Variants in TRIM66 observed in about 807,000 individuals in gnomAD.
TRIM66 encodes the protein tripartite motif containing 66.
TRIM66 carries 99 observed loss-of-function variants against 148.2 expected under a neutral mutation model. The ratio of observed to expected loss-of-function variants is 0.67; its 90% CI spans 0.57 to 0.79. The LOEUF is 0.79. TRIM66 is among the 30% of genes least tolerant of loss of function. TRIM66 has a pLI of 0.00. For missense variants in TRIM66, 1,666 were observed against 1,697.9 expected, an observed-to-expected ratio of 0.98 and a Z score of 0.33; for synonymous variants, 616 against 635.9, an observed-to-expected ratio of 0.97 and a Z score of 0.47.
At chr11:8,626,632 C>T (rs949866525) in intron 15 of TRIM66, among the ~76,000 whole-genome samples, 10 of 152,242 alleles carry the variant, frequency 6.6e-5, no homozygotes, top group Non-Finnish European at 2.9e-5. Context: ...CCTACTTTCA[C>T]ATCTCCCTAG....
At chr11:8,630,570 T>A (rs2035295107) in intron 15 of TRIM66, among the ~76,000 whole-genome samples, 1 of 152,202 alleles carries the variant, frequency 6.6e-6, no homozygotes, top group African/African-American at 2.4e-5. Context: ...TTCACTCTGA[T>A]AATCAGCTCA....
intron 14 of TRIM66, 70 bp downstream of exon 14, chr11:8,640,156 TG>T (rs2036236517): frequency 7.0e-7 from 1 of 1,426,304 alleles, no homozygotes; most frequent in African/African-American, 1.4e-5. Context: ...GCCTTGTTTT[TG>T]GGGAGGCTGT....
Position 8,620,092 on chromosome 11 carries a change from G to A in TRIM66, c.3705C>T (p.Cys1235=), listed in dbSNP as rs2034062364. 6.4e-7 allele frequency: 1 copy of A among 1,551,736 alleles called. No homozygotes were observed. Among genetic ancestry groups the A allele is most frequent in the Non-Finnish European group, 8.7e-7 (1 of 1,146,994 alleles). ...CATGGAAGGGCAGGCTGAGGTTATT[G>A]CAGCACAAGGACAATACCAGCTTCT... ...KCEKLVLSLC[C]NNLSLPFHEP... The change falls in exon 22 of 25, where the codon TGC becomes TGT. Residue 1235 remains cysteine (C), a synonymous_variant. Coordinates refer to ENST00000646038, the MANE Select transcript of TRIM66 (RefSeq NM_001388022.1).
At chr11:8,622,922 A>G in intron 17 of TRIM66, 46 bp from the exon 18 acceptor site, 1 of 1,502,742 alleles carries the variant, frequency 6.7e-7, no homozygotes, top group Non-Finnish European at 9.1e-7. Context: ...ATTTGTGGCA[A>G]CAAACCCCGT....
chr11:8,663,997 G>T (rs1421963163), intron 6 of TRIM66, among the ~76,000 whole-genome samples: 4 of 152,158 alleles, frequency 2.6e-5, no homozygotes, highest in African/African-American at 9.7e-5. Flanking sequence ...GGGTAGTTAG[G>T]GAGATGTTGG....
chr11:8,678,615 C>G lies in TRIM66; in HGVS notation c.-190+1005G>C, dbSNP rs541485465. Among the ~76,000 whole-genome samples, 5 of 152,256 alleles carry G rather than the reference C, an allele frequency of 3.3e-5. No homozygotes were observed. The South Asian group carries it at 1.0e-3, about 32-fold the overall frequency. ...GTCTTTCTGAAGTAAATTGGGATTT[C>G]TGAGCTTTTCTCTAATTCTCACTTG... On this transcript the variant is annotated intron_variant, in intron 3 of 24. Transcript: ENST00000646038.
Position 8,651,576 on chromosome 11 carries a change from C to T in TRIM66, c.444+224G>A, listed in dbSNP as rs2037360825. Among the ~76,000 whole-genome samples the T allele has an allele frequency of 2.0e-5, 3 of 152,050 alleles. 1 individual carries two copies. The South Asian group carries it at 6.2e-4, about 31-fold the overall frequency. Reference sequence around the variant, plus strand: ...ATTCACCTTCTGCTAAAGGGATTGACACAAAAAAAAGTCAATAATTTTCAC... The same window carrying T: ...ATTCACCTTCTGCTAAAGGGATTGATACAAAAAAAAGTCAATAATTTTCAC... On this transcript the variant is annotated intron_variant, in intron 7 of 24. Transcript: ENST00000646038.
chr11:8,682,904 C>A, upstream of TRIM66: 1 of 1,483,462 alleles, frequency 6.7e-7, no homozygotes, highest in Non-Finnish European at 9.1e-7. Context: ...CACTCCCTAC[C>A]ATGGTCGGGG....
At chr11:8,662,241 C>A (rs1174140624) in intron 6 of TRIM66, among the ~76,000 whole-genome samples, 1 of 152,182 alleles carries the variant, frequency 6.6e-6, no homozygotes, top group Non-Finnish European at 1.5e-5. Context: ...AGTCACCCAC[C>A]TCCCAGGCTC....
chr11:8,622,459 G>A (rs947356293), intron 18 of TRIM66, among the ~76,000 whole-genome samples: 8 of 148,940 alleles, frequency 5.4e-5, no homozygotes, highest in African/African-American at 2.0e-4. Flanking sequence ...AGATCCTCTT[G>A]GATTTGGACT....
At chr11:8,620,317 A>G in intron 21 of TRIM66, 129 bp downstream of exon 21, 1 of 1,435,360 alleles carries the variant, frequency 7.0e-7, no homozygotes, top group Non-Finnish European at 9.3e-7. Flanking sequence ...CCCTGGGCCA[A>G]GTTGTCAGGC....
chr11:8,678,461 C>G (rs1354417175), intron 3 of TRIM66, among the ~76,000 whole-genome samples: 2 of 152,100 alleles, frequency 1.3e-5, no homozygotes, highest in African/African-American at 4.8e-5. Flanking sequence ...TCCATGTATA[C>G]AAGGGTTGAA....
chr11:8,649,612 A>G, intron 8 of TRIM66, 128 bp downstream of exon 8: 2 of 1,281,544 alleles, frequency 1.6e-6, no homozygotes, highest in Non-Finnish European at 2.1e-6. Flanking sequence ...CCTTTGGGAA[A>G]GGCTCTGAGA....
At chr11:8,631,848 T>A (rs763602335) in intron 15 of TRIM66, among the ~76,000 whole-genome samples, 1 of 152,216 alleles carries the variant, frequency 6.6e-6, no homozygotes, top group Non-Finnish European at 1.5e-5. Context: ...TTGTGATGGC[T>A]GTTTTTGCTG....
rs1229906815 is a variant in TRIM66, at chr11:8,615,921, G to C, written c.*2023C>G. The stretch of plus-strand genomic sequence containing the variant: ...AACACCAAGTACAACAAAGTTCACA[G>C]GATGGTGGGAATGTGGGCTGCACAA... On this transcript the variant is annotated 3_prime_UTR_variant, in exon 25 of 25. Coordinates refer to ENST00000646038, the MANE Select transcript of TRIM66 (RefSeq NM_001388022.1). 3 of 152,352 alleles carry C rather than the reference G, an allele frequency of 2.0e-5. No individual in the cohort carries two copies. Among genetic ancestry groups the C allele is most frequent in the African/African-American group, 7.2e-5 (3 of 41,474 alleles). 9.4% of individuals were successfully genotyped at this position (152,352 alleles called of 1,614,324 possible).
intron 6 of TRIM66, among the ~76,000 whole-genome samples, chr11:8,669,952 C>T (rs1394600800): frequency 1.3e-5 from 2 of 151,880 alleles, no homozygotes; most frequent in African/African-American, 4.8e-5. Flanking sequence ...ATTATTTCAT[C>T]ACCCAGGTAA....
At chr11:8,620,635 C>T in intron 20 of TRIM66, 63 bp from the exon 21 acceptor site, 1 of 1,528,456 alleles carries the variant, frequency 6.5e-7, no homozygotes, top group Non-Finnish European at 8.8e-7. Context: ...CTTCCCTCTC[C>T]CTCTGCCCTA....
At chr11:8,679,194 C>G (rs2039310427) in intron 3 of TRIM66, 1 of 152,244 alleles carries the variant, frequency 6.6e-6, no homozygotes, top group Non-Finnish European at 1.5e-5. Context: ...TGTCTGCTCT[C>G]TCAGACCTCT....
chr11:8,625,357 G>A (rs949396575), intron 15 of TRIM66, 129 bp from the exon 16 acceptor site: 1 of 939,378 alleles, frequency 1.1e-6, no homozygotes, highest in Admixed American at 3.3e-5. Context: ...GGTAGCTGCT[G>A]GTAGCTGCCA....
Sources: gnomAD v4.1 joint callset for allele counts (sites outside exome capture counted in the v4.1 genomes callset) on GRCh38, gnomAD v4.1.1 for gene constraint, MANE v1.5 for transcripts, NCBI Gene and HGNC (gene_info 2026-07-23, HGNC 2026-07-21) for gene names.